The following ZMYND12 variants were observed in gnomAD, a reference collection of about 807,000 sequenced individuals.
The protein encoded by ZMYND12 is zinc finger MYND domain-containing protein 12.
A neutral mutation model predicts 41.7 loss-of-function variants in ZMYND12; 32 were observed. The observed-to-expected ratio is 0.77, with a 90% CI of 0.58 to 1.03. The LOEUF (loss-of-function observed/expected upper bound fraction) is 1.03. Among genes scored for constraint, ZMYND12 ranks in the 50% least tolerant of loss-of-function variants. The probability of loss-of-function intolerance (pLI) is 0.00; values close to 1 mark genes in which losing one functional copy is unlikely to be tolerated. For missense variants in ZMYND12, 424 were observed against 438.5 expected (o/e 0.97, Z 0.30); for synonymous variants, 148 against 164.8 (o/e 0.90, Z 0.78).
chr1:42,431,744 G>A (rs1028453493), intron 7 of ZMYND12, among the ~76,000 whole-genome samples: 1 of 152,160 alleles, frequency 6.6e-6, no homozygotes, highest in African/African-American at 2.4e-5. Context: ...AAGTTCAGTG[G>A]AAATATTTTC....
In ZMYND12 at chr1:42,439,974, G is replaced by A; in HGVS notation, c.476C>T (p.Thr159Ile). 6.2e-7 allele frequency: 1 copy of A among 1,613,908 alleles called. No individual in the cohort carries two copies. The highest frequency in any genetic ancestry group is 1.7e-5 in the Admixed American group (1 of 59,954). The change falls in exon 4 of 8, where the codon ACA becomes ATA. Residue 159 changes from threonine to isoleucine, a missense_variant. By Grantham distance (89) the Thr-to-Ile change is moderately conservative. Coordinates refer to ENST00000372565, the MANE Select transcript of ZMYND12 (RefSeq NM_032257.5). ...AEEYLFQAQW[T>I]VLKSTDCSNA... ...ACTACAGTCAGTTGATTTGAGGACT[G>A]TCCACTGGGCTTGGAATAGATATTC...
intron 3 of ZMYND12, among the ~76,000 whole-genome samples, chr1:42,446,546 G>C (rs972577505): frequency 5.9e-5 from 9 of 152,000 alleles, no homozygotes; most frequent in African/African-American, 2.2e-4. Flanking sequence ...CAGCTACTCG[G>C]GAGGCTGAGG....
intron 1 of ZMYND12, among the ~76,000 whole-genome samples, chr1:42,452,282 A>T (rs918285339): frequency 6.6e-6 from 1 of 152,222 alleles, no homozygotes; most frequent in Non-Finnish European, 1.5e-5. Context: ...GTATTCAAGA[A>T]CAGGAAGCAA....
At chr1:42,439,292 A>G (rs905767772) in intron 4 of ZMYND12, among the ~76,000 whole-genome samples, 2 of 147,920 alleles carry the variant, frequency 1.4e-5, no homozygotes, top group African/African-American at 5.0e-5. Flanking sequence ...TTTGAGACGA[A>G]GTCTTGCTCT....
At chr1:42,437,480 T>TGTGTG (rs1642920420) in intron 4 of ZMYND12, among the ~76,000 whole-genome samples, 1 of 106,986 alleles carries the variant, frequency 9.3e-6, no homozygotes, top group African/African-American at 3.6e-5. Context: ...GTGTGTGTGT[T>TGTGTG]TAAAAAGCTA....
chr1:42,449,368 T>C (rs1243573055), intron 2 of ZMYND12, among the ~76,000 whole-genome samples: 1 of 152,228 alleles, frequency 6.6e-6, no homozygotes, highest in Non-Finnish European at 1.5e-5. Context: ...CCAAAATTCA[T>C]GTGTTGAAGC....
chr1:42,434,422 C>T (rs1293921750), intron 6 of ZMYND12, among the ~76,000 whole-genome samples: 1 of 152,154 alleles, frequency 6.6e-6, no homozygotes, highest in Non-Finnish European at 1.5e-5. Flanking sequence ...TGTCCTGGAG[C>T]AAGAGTCCCC....
chr1:42,443,337 G>C (rs1476213315), intron 3 of ZMYND12, among the ~76,000 whole-genome samples: 5 of 152,308 alleles, frequency 3.3e-5, no homozygotes, highest in African/African-American at 1.2e-4. Context: ...AGAGGCATAG[G>C]GTGAAGTGGA....
rs112096873 is a variant in ZMYND12 at position 42,442,193 on chromosome 1, G to A, written c.425-2168C>T. 6.2e-3 allele frequency among the ~76,000 whole-genome samples: 941 copies of A among 152,252 alleles called. 6 individuals carry two copies. The highest frequency in any genetic ancestry group is 0.021 in the African/African-American group (875 of 41,534). On this transcript the variant is annotated intron_variant, in intron 3 of 7. Coordinates refer to ENST00000372565, the MANE Select transcript of ZMYND12 (RefSeq NM_032257.5). ...AAACTAGAGGATTTTCAAAAAGGGC[G>A]AGAGAATCAGATTTAAATTTAGAAA...
rs763516313 is a variant in ZMYND12, at chr1:42,440,016, C to T, written c.434G>A (p.Arg145Gln). ...LLAEASLGLG[R>Q]IVQAEEYLFQ... ...TAGATATTCTTCAGCCTGAACGATT[C>T]GGCCCAGACCTGCCCAAAAGCAGAA... Residue 145 changes from arginine to glutamine, a missense_variant, in exon 4 of 8, where the codon CGA (arginine) becomes CAA (glutamine). Physicochemically the swap from Arg to Gln is conservative, Grantham distance 43 (BLOSUM62 1). Transcript: ENST00000372565. 8.8e-6 allele frequency: 14 copies of T among 1,595,930 alleles called. No homozygotes were observed. Among genetic ancestry groups the T allele is most frequent in the South Asian group, 2.3e-5 (2 of 87,350 alleles).
chr1:42,455,262 A>G (rs984149957), intron 1 of ZMYND12, among the ~76,000 whole-genome samples: 3 of 152,148 alleles, frequency 2.0e-5, no homozygotes, highest in Admixed American at 6.5e-5. Context: ...TTTCTTCCAC[A>G]GGGAAAGCTT....
intron 3 of ZMYND12, among the ~76,000 whole-genome samples, chr1:42,447,384 G>C (rs1400673339): frequency 6.6e-6 from 1 of 152,156 alleles, no homozygotes; most frequent in Non-Finnish European, 1.5e-5. Context: ...AAAGTGTCAA[G>C]ATCATAAAAG....
Position 42,433,234 on chromosome 1 carries a change from C to T in ZMYND12, c.884G>A (p.Arg295Gln), listed in dbSNP as rs368363794. Residue 295 changes from arginine to glutamine, a missense_variant, in exon 7 of 8, where the codon CGA becomes CAA. Arg to Gln is a conservative substitution (Grantham distance 43). Transcript: ENST00000372565. Reference protein sequence around the residue: ...IRILTSILNIRESTSDKAPQK... With the variant: ...IRILTSILNIQESTSDKAPQK... ...GGGGGCTTTGTCAGATGTAGATTCT[C>T]GAATGTTCAAGATTGAAGTCAGGAT... 2.1e-5 allele frequency: 34 copies of T among 1,612,614 alleles called. No homozygotes were observed. The African/African-American group carries it at 2.5e-4, about 12-fold the overall frequency.
intron 1 of ZMYND12, among the ~76,000 whole-genome samples, chr1:42,453,255 G>GA (rs1279780155): frequency 2.6e-5 from 4 of 151,796 alleles, no homozygotes; most frequent in African/African-American, 4.8e-5. Flanking sequence ...GCAAGTAAAA[G>GA]AAAAAAAATC....
At chr1:42,437,440 C>CCGTGTGTGTGTGTG (rs1305891076) in intron 4 of ZMYND12, among the ~76,000 whole-genome samples, 1 of 144,414 alleles carries the variant, frequency 6.9e-6, no homozygotes, top group African/African-American at 2.6e-5. Flanking sequence ...CAATAAAGCT[C>CCGTGTGTGTGTGTG]TGTGTGTGTG....
At chr1:42,447,385 A>G (rs4660639) in intron 3 of ZMYND12, among the ~76,000 whole-genome samples, 95,910 of 152,100 alleles carry the variant, frequency 0.63, 30,514 homozygotes, top group South Asian at 0.72. Context: ...AAGTGTCAAG[A>G]TCATAAAAGT....
chr1:42,455,860 C>T, intron 1 of ZMYND12, 28 bp downstream of exon 1: 2 of 1,547,046 alleles, frequency 1.3e-6, no homozygotes, highest in African/African-American at 1.4e-5. Flanking sequence ...GGAGTTATAG[C>T]GCCCAGGTGC....
In ZMYND12 at chr1:42,437,865, G is replaced by A. The variant is rs925428519; in HGVS notation, c.595-1322C>T. Among the ~76,000 whole-genome samples the A allele has an allele frequency of 2.6e-5, 4 of 152,012 alleles. No homozygotes were observed. The East Asian group carries it at 5.8e-4, about 22-fold the overall frequency. On this transcript the variant is annotated intron_variant, in intron 4 of 7. Coordinates refer to ENST00000372565, the MANE Select transcript of ZMYND12 (RefSeq NM_032257.5). ...CCCAGCTAATTTTGTATATTTAGAC[G>A]GGGTTTCACCATGTTAGTCAGGCTG...
chr1:42,433,466 G>A (rs1332879704), intron 6 of ZMYND12, among the ~76,000 whole-genome samples, 178 bp from the exon 7 acceptor site: 2 of 152,164 alleles, frequency 1.3e-5, no homozygotes, highest in African/African-American at 2.4e-5. Flanking sequence ...TGCAAAGCAG[G>A]AAGCTCCGAA....
Sources: allele counts gnomAD v4.1 joint callset (sites outside exome capture counted in the v4.1 genomes callset), GRCh38; gene constraint gnomAD v4.1.1; transcripts MANE v1.5; gene names NCBI Gene and HGNC (gene_info 2026-07-23, HGNC 2026-07-21).